COPZ2: variants seen among roughly 807,000 people sequenced by gnomAD.
COPZ2 encodes the protein coat protein complex I subunit zeta 2.
Under a neutral mutation model 33.2 loss-of-function variants are expected in COPZ2, and 30 were observed. The ratio of observed to expected loss-of-function variants is 0.90; its 90% CI spans 0.68 to 1.23. The LOEUF is 1.23. COPZ2 is among the 50% of genes most tolerant of loss of function. The pLI is 0.00. For missense variants in COPZ2, 263 were observed against 262.4 expected, an observed-to-expected ratio of 1.00 and a Z score of -0.02; for synonymous variants, 89 against 102.6, an observed-to-expected ratio of 0.87 and a Z score of 0.80.
Position 48,037,395 on chromosome 17 carries a change from T to G in COPZ2, c.111+272A>C, listed in dbSNP as rs1003604651. The G allele has an allele frequency of 6.6e-6, 2 of 305,260 alleles. No homozygotes were observed. The highest frequency in any genetic ancestry group is 1.3e-5 in the Non-Finnish European group (2 of 158,268). 18.9% of individuals were successfully genotyped at this position (305,260 alleles called of 1,614,324 possible). Reference sequence around the variant, plus strand: ...GCCGAGTCTGGGACGGACAGGCCACTCCTTACCCTCCCCGCGGAATCGCAA... The same window carrying G: ...GCCGAGTCTGGGACGGACAGGCCACGCCTTACCCTCCCCGCGGAATCGCAA... On this transcript the variant is annotated intron_variant, in intron 1 of 8. Transcript: ENST00000621465. This position sits in a 1 kb window ranked among gnomAD's most constrained non-coding sequence, Gnocchi z 5.6.
intron 5 of COPZ2, 30 bp from the exon 6 acceptor site, chr17:48,032,263 C>T (rs1250856659): frequency 6.3e-6 from 10 of 1,595,932 alleles, no homozygotes; most frequent in Non-Finnish European, 8.5e-6. Flanking sequence ...CCTGAGCCTC[C>T]CTGTGGCTGG....
chr17:48,030,259 C>T (rs982136852), intron 6 of COPZ2, among the ~76,000 whole-genome samples: 6 of 149,204 alleles, frequency 4.0e-5, no homozygotes, highest in Non-Finnish European at 7.4e-5. Flanking sequence ...TGCACTCCAG[C>T]CTGGGCGACA....
At chr17:48,047,889 A>C in the COPZ2 span, 1 of 152,280 alleles carries the variant, frequency 6.6e-6, no homozygotes. Flanking sequence ...CTCGGGTCTC[A>C]CTAGACTTTT....
chr17:48,038,833 T>C (rs1236629563), upstream of COPZ2, among the ~76,000 whole-genome samples: 1 of 152,250 alleles, frequency 6.6e-6, no homozygotes, highest in Non-Finnish European at 1.5e-5. Context: ...TCTTCTTATC[T>C]TCAAGCCTCT....
In COPZ2 at chr17:48,037,416, C is replaced by A. The variant is rs1245765775; in HGVS notation, c.111+251G>T. Among the ~76,000 whole-genome samples, 3 of 152,318 alleles carry A rather than the reference C, an allele frequency of 2.0e-5. No individual in the cohort carries two copies. In the East Asian group the frequency reaches 5.8e-4, roughly 29 times the overall value. The stretch of plus-strand genomic sequence containing the variant: ...CCACTCCTTACCCTCCCCGCGGAAT[C>A]GCAACTCACCCGCCACCCCCACTCC... On this transcript the variant is annotated intron_variant, in intron 1 of 8. Transcript: ENST00000621465. This position sits in a 1 kb window ranked among gnomAD's most constrained non-coding sequence, Gnocchi z 5.6.
chr17:48,036,908 G>C lies in COPZ2; in HGVS notation c.129C>G (p.Leu43=). 6.2e-7 allele frequency: 1 copy of C among 1,613,982 alleles called. No homozygotes were observed. The highest frequency in any genetic ancestry group is 8.5e-7 in the Non-Finnish European group (1 of 1,179,860). The change falls in exon 2 of 9, where the codon CTC becomes CTG. Residue 43 remains leucine, a synonymous_variant. Transcript: ENST00000621465. The stretch of plus-strand genomic sequence containing the variant: ...GGATGAAAACAGCCTTGATGGTGTA[G>C]AGGGAAGGTTCCTGCAACTGACACC... The part of the protein sequence containing the change: ...PSGLRLQEPS[L]YTIKAVFILD...
At position 48,028,711 on chromosome 17, in the gene COPZ2, C is replaced by T. The variant is rs565454894; in HGVS notation, c.547-201G>A. ...GGACCTCTGGGATTGTGCTATGGTG[C>T]GTGGAGGGTGAGGGAAGATGGGAAG... On this transcript the variant is annotated intron_variant, in intron 7 of 8. Transcript: ENST00000621465. The surrounding 1 kb of genome is among the most constrained non-coding windows in gnomAD (Gnocchi z 4.5). Among the ~76,000 whole-genome samples, 178 of 152,038 alleles carry T rather than the reference C, an allele frequency of 1.2e-3. No individual in the cohort carries two copies. The highest frequency in any genetic ancestry group is 3.9e-3 in the African/African-American group (162 of 41,446).
upstream of COPZ2, among the ~76,000 whole-genome samples, chr17:48,041,871 C>A (rs1311846428): frequency 1.3e-5 from 2 of 148,350 alleles, no homozygotes; most frequent in Admixed American, 1.4e-4. Flanking sequence ...AGGAGCATTT[C>A]TCAGCCTCTG....
At chr17:48,033,571 A>T (rs1169697976) in intron 3 of COPZ2, among the ~76,000 whole-genome samples, 1 of 152,192 alleles carries the variant, frequency 6.6e-6, no homozygotes, top group Non-Finnish European at 1.5e-5. Flanking sequence ...CACCCTGTGC[A>T]GCACCTTGGG....
upstream of COPZ2, among the ~76,000 whole-genome samples, chr17:48,041,697 G>A (rs773144116): frequency 2.0e-5 from 3 of 152,078 alleles, no homozygotes; most frequent in Non-Finnish European, 4.4e-5. Context: ...TTATTTCTTC[G>A]GATTCCAGAT....
Position 48,036,900 on chromosome 17 carries a change from A to G in COPZ2, c.137T>C (p.Ile46Thr), listed in dbSNP as rs1248322952. 2.5e-6 allele frequency: 4 copies of G among 1,613,962 alleles called. No individual in the cohort carries two copies. Among genetic ancestry groups the G allele is most frequent in the Non-Finnish European group, 3.4e-6 (4 of 1,179,874 alleles). The change falls in exon 2 of 9, where the codon ATC becomes ACC. Residue 46 changes from isoleucine (I) to threonine (T), a missense_variant. Coordinates refer to ENST00000621465, the MANE Select transcript of COPZ2 (RefSeq NM_016429.4). ...ATTATCTAGGATGAAAACAGCCTTGATGGTGTAGAGGGAAGGTTCCTGCAA... is the reference window on the plus strand; with the variant it reads ...ATTATCTAGGATGAAAACAGCCTTGGTGGTGTAGAGGGAAGGTTCCTGCAA... Reference protein sequence around the residue: ...LRLQEPSLYTIKAVFILDNDG... With the variant: ...LRLQEPSLYTTKAVFILDNDG...
chr17:48,046,830 T>C, the COPZ2 span: 1 of 152,212 alleles, frequency 6.6e-6, no homozygotes, highest in Non-Finnish European at 1.5e-5. Context: ...ACTCAGTATT[T>C]GAGTGTCTAC....
chr17:48,032,797 A>T, intron 4 of COPZ2, 56 bp from the exon 5 acceptor site: 1 of 1,455,106 alleles, frequency 6.9e-7, no homozygotes, highest in Non-Finnish European at 9.4e-7. Flanking sequence ...GAGAAGGTCA[A>T]AAGAAGCACT....
At chr17:48,047,551 G>A in the COPZ2 span, 1 of 152,168 alleles carries the variant, frequency 6.6e-6, no homozygotes, top group East Asian at 1.9e-4. Context: ...GCAAGACTAA[G>A]CTGCGTGGGA....
intron 6 of COPZ2, among the ~76,000 whole-genome samples, chr17:48,030,349 T>G (rs936496345): frequency 7.0e-6 from 1 of 143,252 alleles, no homozygotes; most frequent in Non-Finnish European, 1.5e-5. Context: ...AACAAAAAAA[T>G]TCCCTTTTGA....
upstream of COPZ2, among the ~76,000 whole-genome samples, chr17:48,038,386 C>G (rs985748345): frequency 3.3e-5 from 5 of 152,194 alleles, no homozygotes; most frequent in African/African-American, 1.2e-4. Flanking sequence ...CGCCCAGCAG[C>G]ACAAATGCTC....
At chr17:48,038,780 T>C (rs565977589), upstream of COPZ2, among the ~76,000 whole-genome samples, 1 of 152,336 alleles carries the variant, frequency 6.6e-6, no homozygotes, top group African/African-American at 2.4e-5. Flanking sequence ...TCACTTACCC[T>C]AGATGGTTAC....
the COPZ2 span, chr17:48,046,032 C>T: frequency 6.6e-6 from 1 of 152,240 alleles, no homozygotes; most frequent in Non-Finnish European, 1.5e-5. Flanking sequence ...GGCGCCCACA[C>T]CCTGCCAGGC....
At chr17:48,035,632 C>T (rs2144311617) in intron 2 of COPZ2, among the ~76,000 whole-genome samples, 1 of 152,228 alleles carries the variant, frequency 6.6e-6, no homozygotes, top group Middle Eastern at 3.4e-3. Flanking sequence ...CCATGTTGCC[C>T]AGGCTGGTCT....
Sources: gnomAD v4.1 joint callset for allele counts (sites outside exome capture counted in the v4.1 genomes callset) on GRCh38, gnomAD v4.1.1 for gene constraint, Gnocchi (gnomAD v3.1) non-coding constraint, MANE v1.5 for transcripts, NCBI Gene and HGNC (gene_info 2026-07-23, HGNC 2026-07-21) for gene names.